The following MAF variants were observed in gnomAD, a reference collection of about 807,000 sequenced individuals.
MAF encodes transcription factor Maf.
MAF carries 10 observed loss-of-function variants against 22.0 expected under a neutral mutation model. The observed-to-expected ratio is 0.45, with a 90% confidence interval of 0.28 to 0.77. The LOEUF (loss-of-function observed/expected upper bound fraction) is 0.77, where lower values mean the gene tolerates loss of function less well. Among genes scored for constraint, MAF ranks in the 30% least tolerant of loss-of-function variants. MAF has a pLI of 0.12. For missense variants in MAF, 544 were observed against 548.4 expected (o/e 0.99, Z 0.08); for synonymous variants, 337 against 255.8 (o/e 1.32, Z -3.03).
At chr16:79,387,032 C>G in the MAF span, among the ~76,000 whole-genome samples, 3 of 152,144 alleles carry the variant, frequency 2.0e-5, no homozygotes, top group African/African-American at 7.2e-5. Context: ...TAGATTTTCC[C>G]AGAATAACTG....
At chr16:79,527,362 C>T in the MAF span, among the ~76,000 whole-genome samples, 1 of 152,140 alleles carries the variant, frequency 6.6e-6, no homozygotes, top group Non-Finnish European at 1.5e-5. Flanking sequence ...CAATCAACTC[C>T]CCAAGTGACA....
the MAF span, among the ~76,000 whole-genome samples, chr16:79,452,377 A>G: frequency 6.6e-6 from 1 of 152,192 alleles, no homozygotes; most frequent in Non-Finnish European, 1.5e-5. Context: ...CATATATGCA[A>G]TTTAAATAAA....
chr16:79,311,377 C>G, the MAF span, among the ~76,000 whole-genome samples: 1 of 151,996 alleles, frequency 6.6e-6, no homozygotes, highest in Non-Finnish European at 1.5e-5. Context: ...TGTCCAGCAG[C>G]CTTTTCTGCG....
chr16:79,419,770 A>C, the MAF span, among the ~76,000 whole-genome samples: 2 of 152,132 alleles, frequency 1.3e-5, no homozygotes, highest in African/African-American at 4.8e-5. Flanking sequence ...TTGTATACCT[A>C]ATCAAGAGTG....
the MAF span, among the ~76,000 whole-genome samples, chr16:79,337,204 T>G: frequency 6.6e-6 from 1 of 152,208 alleles, no homozygotes; most frequent in African/African-American, 2.4e-5. Flanking sequence ...GTGGATACCG[T>G]GGCCTCCTTC....
At chr16:79,206,978 A>T in the MAF span, among the ~76,000 whole-genome samples, 2 of 152,090 alleles carry the variant, frequency 1.3e-5, no homozygotes, top group African/African-American at 4.8e-5. Flanking sequence ...TTGAAGCTGT[A>T]ATTGTTTGTG....
chr16:79,493,863 G>C, the MAF span, among the ~76,000 whole-genome samples: 7 of 150,898 alleles, frequency 4.6e-5, no homozygotes, highest in African/African-American at 1.5e-4. Flanking sequence ...GCAAAGACCT[G>C]CCCCTTAGTC....
chr16:79,475,941 T>C, the MAF span, among the ~76,000 whole-genome samples: 7 of 152,304 alleles, frequency 4.6e-5, no homozygotes, highest in African/African-American at 1.7e-4. Flanking sequence ...CCTGTGATTA[T>C]GTTACATTAG....
the MAF span, among the ~76,000 whole-genome samples, chr16:79,529,308 C>T: frequency 1.9e-4 from 29 of 152,256 alleles, no homozygotes; most frequent in South Asian, 6.2e-4. Flanking sequence ...GTCTCTACCC[C>T]TCTCTAGCTG....
chr16:79,460,250 T>C, the MAF span, among the ~76,000 whole-genome samples: 1 of 152,208 alleles, frequency 6.6e-6, no homozygotes, highest in Non-Finnish European at 1.5e-5. Flanking sequence ...CTTTATTTTT[T>C]CCGGATTGGG....
chr16:79,310,946 G>A, the MAF span, among the ~76,000 whole-genome samples: 2 of 152,168 alleles, frequency 1.3e-5, no homozygotes, highest in African/African-American at 4.8e-5. Context: ...TGCTGCTTCA[G>A]CTAACTGCCT....
At chr16:79,430,772 G>C in the MAF span, among the ~76,000 whole-genome samples, 1 of 152,206 alleles carries the variant, frequency 6.6e-6, no homozygotes, top group Non-Finnish European at 1.5e-5. Context: ...GGGTGAGCAC[G>C]GCCCCCAGTC....
the MAF span, among the ~76,000 whole-genome samples, chr16:79,470,179 A>G: frequency 2.0e-5 from 3 of 152,344 alleles, no homozygotes; most frequent in South Asian, 4.1e-4. Flanking sequence ...AATAGATCAC[A>G]TGAGCGGCGG....
Position 79,600,049 on chromosome 16 carries a change from C to T in MAF, c.-147G>A. On this transcript the variant is annotated 5_prime_UTR_variant, in exon 1 of 2. Transcript: ENST00000326043. ...TTGCGCGGCGGTGGCTGGCCCGAAA[C>T]CTCCGAGCGCGCTCACACACACACC... 1 of 1,108,654 alleles carries T rather than the reference C, an allele frequency of 9.0e-7. No individual in the cohort carries two copies. Among genetic ancestry groups the T allele is most frequent in the Non-Finnish European group, 1.3e-6 (1 of 781,582 alleles). 68.7% of individuals were successfully genotyped at this position (1,108,654 alleles called of 1,614,324 possible).
the MAF span, among the ~76,000 whole-genome samples, chr16:79,255,408 G>T: frequency 2.0e-5 from 3 of 152,194 alleles, no homozygotes; most frequent in Non-Finnish European, 4.4e-5. Flanking sequence ...TGTGTCAAGT[G>T]ACAGGAGTGA....
chr16:79,463,610 G>A, the MAF span, among the ~76,000 whole-genome samples: 4 of 152,162 alleles, frequency 2.6e-5, no homozygotes, highest in Non-Finnish European at 5.9e-5. Flanking sequence ...TTGGCATCCA[G>A]TCTCTAGGTC....
rs778199274 is a variant in MAF, at chr16:79,599,615, G to A, written c.288C>T (p.Gly96=). The change falls in exon 1 of 2, where the codon GGC becomes GGT. Residue 96 remains glycine, a synonymous_variant. Coordinates refer to ENST00000326043, the MANE Select transcript of MAF (RefSeq NM_005360.5). ...AHLEDYYWMT[G]YPQQLNPEAL... ...CCTCGGGGTTCAGCTGCTGCGGGTA[G>A]CCGGTCATCCAGTAGTAGTCTTCCA... is the stretch of plus-strand genomic sequence containing the variant. The A allele has an allele frequency of 1.2e-6, 2 of 1,610,872 alleles. No homozygotes were observed. Among genetic ancestry groups the A allele is most frequent in the South Asian group, 1.1e-5 (1 of 90,650 alleles).
the MAF span, among the ~76,000 whole-genome samples, chr16:79,240,754 C>A: frequency 1.3e-5 from 2 of 151,894 alleles, no homozygotes; most frequent in African/African-American, 4.8e-5. Context: ...GTTTGGGAGA[C>A]ACCTCCCAGT....
chr16:79,255,220 G>T, the MAF span, among the ~76,000 whole-genome samples: 4 of 152,176 alleles, frequency 2.6e-5, no homozygotes, highest in African/African-American at 9.7e-5. Context: ...AAAAGCTTTG[G>T]TTAACTTCAG....
Sources: allele counts gnomAD v4.1 joint callset (sites outside exome capture counted in the v4.1 genomes callset), GRCh38; gene constraint gnomAD v4.1.1; transcripts MANE v1.5; gene names NCBI Gene and HGNC (gene_info 2026-07-23, HGNC 2026-07-21).